The following LONP2 variants were observed in gnomAD, a reference collection of about 807,000 sequenced individuals.
LONP2 encodes lon protease homolog 2, peroxisomal.
Under a neutral mutation model 85.6 loss-of-function variants are expected in LONP2, and 60 were observed. That is an observed-to-expected ratio of 0.70 (90% confidence interval 0.57 to 0.87). LONP2 has a LOEUF of 0.87. Among genes scored for constraint, LONP2 ranks in the 40% least tolerant of loss-of-function variants. LONP2 has a pLI of 0.00. For synonymous variants in LONP2, 395 were observed against 389.7 expected (o/e 1.01, Z -0.16); for missense variants, 860 against 1,063.5 (o/e 0.81, Z 2.66).
intron 7 of LONP2, among the ~76,000 whole-genome samples, chr16:48,272,867 A>AGT (rs1371870913): frequency 6.6e-6 from 1 of 152,158 alleles, no homozygotes; most frequent in Non-Finnish European, 1.5e-5. Flanking sequence ...CGTGGAGAGT[A>AGT]GTGGGGTTCA....
At position 48,277,717 on chromosome 16, in the gene LONP2, T is replaced by C. The variant is rs552124049; in HGVS notation, c.1383+238T>C. Among the ~76,000 whole-genome samples, 7 of 152,220 alleles carry C rather than the reference T, an allele frequency of 4.6e-5. No individual in the cohort carries two copies. In the South Asian group the frequency reaches 1.2e-3, roughly 27 times the overall value. ...TTTTAATCAGATAGTTTAACAAAGT[T>C]TTGTGCACACTTATTATCTAGAGGC... On this transcript the variant is annotated intron_variant, in intron 8 of 14. Transcript: ENST00000285737.
At chr16:48,305,078 C>T (rs1972885290) in intron 11 of LONP2, among the ~76,000 whole-genome samples, 1 of 152,182 alleles carries the variant, frequency 6.6e-6, no homozygotes, top group Non-Finnish European at 1.5e-5. Flanking sequence ...AGTGCTTCAC[C>T]CCTGCCTCCC....
At chr16:48,276,271 G>T (rs1468252752) in intron 7 of LONP2, among the ~76,000 whole-genome samples, 1 of 152,136 alleles carries the variant, frequency 6.6e-6, no homozygotes, top group Non-Finnish European at 1.5e-5. Context: ...AGGCTTGCTT[G>T]CCTTTTCAAA....
At chr16:48,266,284 C>T (rs1339887737) in intron 6 of LONP2, among the ~76,000 whole-genome samples, 3 of 151,620 alleles carry the variant, frequency 2.0e-5, no homozygotes, top group Non-Finnish European at 2.9e-5. Flanking sequence ...GGATTACAAA[C>T]GTGAGCCACT....
At chr16:48,333,703 G>A (rs1377686301) in intron 11 of LONP2, among the ~76,000 whole-genome samples, 2 of 151,506 alleles carry the variant, frequency 1.3e-5, no homozygotes, top group Admixed American at 6.6e-5. Flanking sequence ...AGAGAGAAGA[G>A]GAGGGGAGGG....
At chr16:48,283,003 T>G (rs896175249) in intron 8 of LONP2, among the ~76,000 whole-genome samples, 2 of 152,204 alleles carry the variant, frequency 1.3e-5, no homozygotes, top group African/African-American at 4.8e-5. Flanking sequence ...ATTGCTGATA[T>G]GAAGAAAGTT....
Position 48,277,341 on chromosome 16 carries a change from C to G in LONP2, c.1245C>G (p.Arg415=). 1.2e-6 allele frequency: 2 copies of G among 1,613,006 alleles called. No individual in the cohort carries two copies. Among genetic ancestry groups the G allele is most frequent in the Non-Finnish European group, 8.5e-7 (1 of 1,179,516 alleles). Residue 415 remains arginine (R), a synonymous_variant, in exon 8 of 15, where the codon CGC becomes CGG. Transcript: ENST00000285737. ...CDQSDIRGHR[R]TYVGSMPGRI... is the part of the protein sequence containing the mutation. ...ATGTGCTACTTGCTTTCTCTAGGCG[C>G]ACCTATGTTGGCAGCATGCCTGGTC...
At chr16:48,254,013 A>G (rs903028054) in intron 2 of LONP2, among the ~76,000 whole-genome samples, 1 of 152,022 alleles carries the variant, frequency 6.6e-6, no homozygotes, top group Non-Finnish European at 1.5e-5. Context: ...TTCTGCATCT[A>G]CTTCTACTTC....
rs141507573 is a variant in LONP2 at position 48,352,115 on chromosome 16, G to A, written c.*313G>A. ...TAGTACCTGGTAACTTGTTAGAAAT[G>A]TACATTCTCAGGCTCCACAGCAGGC... is the stretch of plus-strand genomic sequence containing the variant. On this transcript the variant is annotated 3_prime_UTR_variant, in exon 15 of 15. Transcript: ENST00000285737. 5.4e-3 allele frequency: 1,484 copies of A among 273,252 alleles called. 26 individuals are homozygous for A. The highest frequency in any genetic ancestry group is 0.03 in the African/African-American group (1,370 of 46,062). 16.9% of individuals were successfully genotyped at this position (273,252 alleles called of 1,614,324 possible). A position where few individuals can be genotyped will look rare whatever the true frequency, so the allele number is the denominator to read the frequency against.
At chr16:48,358,826 A>AT (rs1960469002), downstream of LONP2, among the ~76,000 whole-genome samples, 1 of 152,224 alleles carries the variant, frequency 6.6e-6, no homozygotes, top group African/African-American at 2.4e-5. Flanking sequence ...GTACATACAC[A>AT]TAAAAAAAAC....
chr16:48,280,389 T>A (rs370373197), intron 8 of LONP2, among the ~76,000 whole-genome samples: 7 of 152,360 alleles, frequency 4.6e-5, no homozygotes, highest in South Asian at 2.1e-4. Context: ...TAGTAGTAGA[T>A]GATTAAGTCC....
chr16:48,303,091 A>G, intron 10 of LONP2, 81 bp from the exon 11 acceptor site: 3 of 1,509,862 alleles, frequency 2.0e-6, no homozygotes, highest in Non-Finnish European at 2.7e-6. Flanking sequence ...ACACTGTTTT[A>G]CCAAAAATGT....
In LONP2 at chr16:48,277,380, C is replaced by T; in HGVS notation, c.1284C>T (p.Gly428=). 1.2e-6 allele frequency: 2 copies of T among 1,613,564 alleles called. No individual in the cohort carries two copies. The highest frequency in any genetic ancestry group is 1.7e-6 in the Non-Finnish European group (2 of 1,179,754). Residue 428 remains glycine (G), a synonymous_variant, in exon 8 of 15, where the codon GGC becomes GGT. Transcript: ENST00000285737. ...VGSMPGRIIN[G]LKTVGVNNPV... is the part of the protein sequence containing the mutation. ...GCATGCCTGGTCGCATCATCAACGG[C>T]TTGAAGACTGTGGGAGTGAACAACC...
chr16:48,273,247 T>C (rs1378865538), intron 7 of LONP2, among the ~76,000 whole-genome samples: 7 of 152,182 alleles, frequency 4.6e-5, no homozygotes, highest in Admixed American at 4.6e-4. Flanking sequence ...TGTTTTCCCA[T>C]GTGTGGAACA....
intron 11 of LONP2, among the ~76,000 whole-genome samples, chr16:48,304,273 G>A (rs947714230): frequency 6.6e-6 from 1 of 152,184 alleles, no homozygotes; most frequent in Admixed American, 6.5e-5. Flanking sequence ...ATAGCTCCAT[G>A]TGTAATAATT....
At chr16:48,344,255 C>G (rs954579022) in intron 12 of LONP2, 1 of 152,144 alleles carries the variant, frequency 6.6e-6, no homozygotes, top group African/African-American at 2.4e-5. Flanking sequence ...AGTTTCAGAA[C>G]ACGTCCTTAA....
At chr16:48,264,297 G>A (rs1252944545) in intron 6 of LONP2, among the ~76,000 whole-genome samples, 1 of 152,100 alleles carries the variant, frequency 6.6e-6, no homozygotes, top group African/African-American at 2.4e-5. Context: ...TCGACCATAA[G>A]AGACAGGTAC....
intron 11 of LONP2, among the ~76,000 whole-genome samples, chr16:48,328,480 C>A (rs1422259951): frequency 6.6e-6 from 1 of 151,804 alleles, no homozygotes; most frequent in Admixed American, 6.6e-5. Flanking sequence ...GAGTTCGAGA[C>A]TAGCCTGACC....
chr16:48,261,439 C>G lies in LONP2; in HGVS notation c.739C>G (p.Pro247Ala). The G allele has an allele frequency of 6.3e-7, 1 of 1,598,616 alleles. No homozygotes were observed. Among genetic ancestry groups the G allele is most frequent in the Non-Finnish European group, 8.5e-7 (1 of 1,172,140 alleles). Residue 247 changes from proline (P) to alanine (A), a missense_variant, in exon 5 of 15, where the codon CCT becomes GCT. Physicochemically the swap from Pro to Ala is conservative, Grantham distance 27 (BLOSUM62 -1). Coordinates refer to ENST00000285737, the MANE Select transcript of LONP2 (RefSeq NM_031490.5). The part of the protein sequence containing the change: ...DDDKRVIAIR[P>A]IRRITHISGT... Reference sequence around the variant, plus strand: ...TCTATGTTAGGTTATAGCAATACGCCCTATTAGGAGAATTACACATATCTC... The same window carrying G: ...TCTATGTTAGGTTATAGCAATACGCGCTATTAGGAGAATTACACATATCTC...
Sources: gnomAD v4.1 joint callset for allele counts (sites outside exome capture counted in the v4.1 genomes callset) on GRCh38, gnomAD v4.1.1 for gene constraint, MANE v1.5 for transcripts, NCBI Gene and HGNC (gene_info 2026-07-23, HGNC 2026-07-21) for gene names.